BMPER: variants seen among roughly 807,000 people sequenced by gnomAD.
BMPER encodes BMP binding endothelial regulator, also known as BMP-binding endothelial regulator protein.
A neutral mutation model predicts 87.3 loss-of-function variants in BMPER; 45 were observed. That is an observed-to-expected ratio of 0.52 (90% CI 0.41 to 0.66). The LOEUF is 0.66. Among genes scored for constraint, BMPER ranks in the 30% least tolerant of loss-of-function variants. BMPER has a pLI of 0.00. For synonymous variants in BMPER, 326 were observed against 316.2 expected, an observed-to-expected ratio of 1.03 and a Z score of -0.33; for missense variants, 784 against 867.5, an observed-to-expected ratio of 0.90 and a Z score of 1.21.
intron 6 of BMPER, among the ~76,000 whole-genome samples, chr7:33,986,238 T>A (rs1169961797): frequency 6.6e-6 from 1 of 152,146 alleles, no homozygotes; most frequent in Admixed American, 6.5e-5. Context: ...AAGAGAACTA[T>A]CCAGAATCCC....
Position 33,970,396 on chromosome 7 carries a change from G to T in BMPER, c.470G>T (p.Gly157Val), listed in dbSNP as rs765209174. The change falls in exon 5 of 15, where the codon GGA (glycine) becomes GTA (valine). Residue 157 changes from glycine (G) to valine (V), a missense_variant. Physicochemically the swap from Gly to Val is moderately radical, Grantham distance 109. Transcript: ENST00000649409. ...TGTAAAAACCCTTTGGAGCATCTGG[G>T]AATGTGCTGCCCCACATGTCCAGGT... The part of the protein sequence containing the change: ...VHCKNPLEHL[G>V]MCCPTCPGCV... 12 of 1,614,150 alleles carry T rather than the reference G, an allele frequency of 7.4e-6. No individual in the cohort carries two copies. Among genetic ancestry groups the T allele is most frequent in the Non-Finnish European group, 1.0e-5 (12 of 1,179,992 alleles).
intron 3 of BMPER, 93 bp downstream of exon 3, chr7:33,937,481 C>T: frequency 7.7e-7 from 1 of 1,303,758 alleles, no homozygotes. Flanking sequence ...CAGCTTTTGG[C>T]TGGGGTGCAC....
chr7:34,117,674 CTG>C (rs1443046212), intron 13 of BMPER, among the ~76,000 whole-genome samples: 2 of 152,204 alleles, frequency 1.3e-5, no homozygotes, highest in African/African-American at 4.8e-5. Flanking sequence ...ACCTTGGACA[CTG>C]TGGGTCTCTG....
intron 1 of BMPER, among the ~76,000 whole-genome samples, chr7:33,906,065 A>G (rs1783808648): frequency 1.3e-5 from 2 of 152,288 alleles, no homozygotes; most frequent in South Asian, 4.2e-4. Flanking sequence ...CAGGAAAAAA[A>G]TTTGTGCAGT....
intron 13 of BMPER, 81 bp downstream of exon 13, chr7:34,086,173 CTTG>C (rs1289148628): frequency 1.3e-6 from 2 of 1,491,802 alleles, no homozygotes; most frequent in African/African-American, 2.8e-5. Flanking sequence ...TATGAAATCT[CTTG>C]TTGTGCAGGA....
intron 6 of BMPER, among the ~76,000 whole-genome samples, chr7:34,035,858 T>A (rs2127953237): frequency 6.6e-6 from 1 of 152,246 alleles, no homozygotes; most frequent in Non-Finnish European, 1.5e-5. Context: ...ATATAAACTA[T>A]TTTAGGTAGC....
chr7:34,046,864 G>A (rs1453266755), intron 7 of BMPER, among the ~76,000 whole-genome samples: 1 of 151,730 alleles, frequency 6.6e-6, no homozygotes, highest in East Asian at 1.9e-4. Flanking sequence ...CCAACAGAAA[G>A]AGAGTATGTT....
intron 11 of BMPER, among the ~76,000 whole-genome samples, 157 bp downstream of exon 11, chr7:34,062,204 G>C (rs1216777334): frequency 6.6e-6 from 1 of 152,080 alleles, no homozygotes; most frequent in Admixed American, 6.5e-5. Context: ...TAAGTCAATT[G>C]TAATTCTCCC....
chr7:34,002,373 G>A (rs1193423816), intron 6 of BMPER, among the ~76,000 whole-genome samples: 3 of 151,786 alleles, frequency 2.0e-5, no homozygotes, highest in Non-Finnish European at 4.4e-5. Flanking sequence ...TTGCCCAACT[G>A]TAGGCTAATG....
intron 13 of BMPER, among the ~76,000 whole-genome samples, chr7:34,115,403 T>TATA (rs1790091541): frequency 6.6e-6 from 1 of 152,210 alleles, no homozygotes; most frequent in Non-Finnish European, 1.5e-5. Context: ...TTTTTATTAT[T>TATA]TTCACAGCTA....
intron 2 of BMPER, among the ~76,000 whole-genome samples, chr7:33,926,110 G>T (rs997657571): frequency 6.6e-6 from 1 of 152,114 alleles, no homozygotes; most frequent in South Asian, 2.1e-4. Flanking sequence ...GCTCTTCTAG[G>T]GCAGAAGATG....
intron 3 of BMPER, among the ~76,000 whole-genome samples, chr7:33,946,312 G>T (rs1784894033): frequency 6.6e-6 from 1 of 152,198 alleles, no homozygotes; most frequent in African/African-American, 2.4e-5. Flanking sequence ...TACAATTCAA[G>T]ATAAGATTTG....
At chr7:34,112,583 C>T (rs1192633650) in intron 13 of BMPER, among the ~76,000 whole-genome samples, 1 of 147,980 alleles carries the variant, frequency 6.8e-6, no homozygotes, top group African/African-American at 2.5e-5. Flanking sequence ...TTGAGGTATA[C>T]GTGCATATGT....
chr7:33,927,711 C>A (rs867838191), intron 2 of BMPER, among the ~76,000 whole-genome samples: 1 of 152,106 alleles, frequency 6.6e-6, no homozygotes, highest in Non-Finnish European at 1.5e-5. Context: ...AAAATCCCTA[C>A]CAACCTGGCC....
intron 3 of BMPER, among the ~76,000 whole-genome samples, chr7:33,954,093 TA>T (rs1785092300): frequency 6.6e-6 from 1 of 152,216 alleles, no homozygotes; most frequent in African/African-American, 2.4e-5. Context: ...TATTCTGAAT[TA>T]GCCCCCTAGG....
chr7:33,945,269 G>C (rs1214743276), intron 3 of BMPER, among the ~76,000 whole-genome samples: 1 of 18,178 alleles, frequency 5.5e-5, no homozygotes, highest in Non-Finnish European at 1.1e-4. Context: ...TTTTTTTTTT[G>C]AGACAGAGTC....
chr7:34,111,870 C>T (rs915696285), intron 13 of BMPER, among the ~76,000 whole-genome samples: 2 of 152,160 alleles, frequency 1.3e-5, no homozygotes, highest in Admixed American at 6.5e-5. Context: ...CGCACCACCA[C>T]GCCTGGCTAC....
intron 3 of BMPER, among the ~76,000 whole-genome samples, chr7:33,964,968 T>G (rs189714981): frequency 1.5e-3 from 236 of 152,288 alleles, no homozygotes; most frequent in Non-Finnish European, 2.5e-3. Context: ...TCTGAATGAG[T>G]CTGTGTTAGT....
At chr7:33,912,465 G>A (rs1783989327) in intron 2 of BMPER, among the ~76,000 whole-genome samples, 1 of 152,212 alleles carries the variant, frequency 6.6e-6, no homozygotes. Context: ...GGTATCAACA[G>A]TAAATTGTGT....
Sources: allele counts gnomAD v4.1 joint callset (sites outside exome capture counted in the v4.1 genomes callset), GRCh38; gene constraint gnomAD v4.1.1; transcripts MANE v1.5; gene names NCBI Gene and HGNC (gene_info 2026-07-23, HGNC 2026-07-21).